RIT2: variants seen among roughly 807,000 people sequenced by gnomAD.
RIT2 encodes Ras like without CAAX 2.
Under a neutral mutation model 23.7 loss-of-function variants are expected in RIT2, and 24 were observed. That is an observed-to-expected ratio of 1.01 (90% CI 0.73 to 1.43). The LOEUF (loss-of-function observed/expected upper bound fraction) is 1.43, where lower values mean the gene tolerates loss of function less well. Among genes scored for constraint, RIT2 ranks in the 40% most tolerant of loss-of-function variants. The probability of loss-of-function intolerance (pLI) is 0.00; values close to 1 mark genes in which losing one functional copy is unlikely to be tolerated. For missense variants in RIT2, 236 were observed against 266.9 expected (o/e 0.88, Z 0.81); for synonymous variants, 107 against 91.1 (o/e 1.17, Z -0.99).
chr18:43,093,796 C>T (rs918397851), intron 1 of RIT2, among the ~76,000 whole-genome samples: 1 of 152,012 alleles, frequency 6.6e-6, no homozygotes, highest in Non-Finnish European at 1.5e-5. Flanking sequence ...CCTCTCCGGT[C>T]AGTACTGACA....
intron 4 of RIT2, among the ~76,000 whole-genome samples, chr18:42,855,465 A>C (rs1042032674): frequency 1.3e-5 from 2 of 152,206 alleles, no homozygotes; most frequent in Non-Finnish European, 2.9e-5. Flanking sequence ...TCACACAATA[A>C]AATTCTGTGA....
chr18:42,844,750 G>A (rs1200401465), intron 4 of RIT2, among the ~76,000 whole-genome samples: 1 of 152,062 alleles, frequency 6.6e-6, no homozygotes, highest in Non-Finnish European at 1.5e-5. Context: ...TCAGGAGAGG[G>A]TGGGCAAACA....
intron 3 of RIT2, among the ~76,000 whole-genome samples, chr18:42,931,497 C>T (rs1421960066): frequency 6.6e-6 from 1 of 152,148 alleles, no homozygotes; most frequent in Non-Finnish European, 1.5e-5. Context: ...AAAGAGGAAT[C>T]TTACTGTATT....
chr18:42,835,329 C>A (rs1038749168), intron 4 of RIT2, among the ~76,000 whole-genome samples: 1 of 152,108 alleles, frequency 6.6e-6, no homozygotes, highest in South Asian at 2.1e-4. Flanking sequence ...CACTCACACA[C>A]ACACACAACT....
In RIT2 at chr18:42,868,020, G is replaced by C. The variant is rs556491253; in HGVS notation, c.426+55552C>G. 2.6e-5 allele frequency among the ~76,000 whole-genome samples: 4 copies of C among 152,240 alleles called. No homozygotes were observed. The South Asian group carries it at 8.3e-4, about 32-fold the overall frequency. ...TTACTTCAAGGAGTATTTTCCACAG[G>C]TAAGTCAAATCAGTAAGTTTGGAAG... On this transcript the variant is annotated intron_variant, in intron 4 of 4. Coordinates refer to ENST00000326695, the MANE Select transcript of RIT2 (RefSeq NM_002930.4).
At chr18:43,036,397 G>C (rs923235531) in intron 1 of RIT2, among the ~76,000 whole-genome samples, 4 of 151,998 alleles carry the variant, frequency 2.6e-5, no homozygotes, top group African/African-American at 9.7e-5. Context: ...GAAATCAGCC[G>C]GGCGTGGTGG....
At chr18:42,780,047 GT>G (rs71175923) in intron 4 of RIT2, among the ~76,000 whole-genome samples, 94 of 59,572 alleles carry the variant, frequency 1.6e-3, no homozygotes, top group African/African-American at 4.5e-3. Flanking sequence ...CAATTTAGAG[GT>G]TTTTTTTTTT....
intron 4 of RIT2, among the ~76,000 whole-genome samples, chr18:42,854,172 A>G (rs1907124315): frequency 6.6e-6 from 1 of 152,208 alleles, no homozygotes. Flanking sequence ...CCCACATTCT[A>G]TAACTAAGAT....
At chr18:42,963,628 C>T (rs1410401065) in intron 3 of RIT2, among the ~76,000 whole-genome samples, 2 of 152,118 alleles carry the variant, frequency 1.3e-5, no homozygotes, top group African/African-American at 4.8e-5. Context: ...CTTGGTGGCT[C>T]ATATCTGTAA....
chr18:43,059,056 G>T (rs1912578415), intron 1 of RIT2, among the ~76,000 whole-genome samples: 1 of 151,934 alleles, frequency 6.6e-6, no homozygotes, highest in Non-Finnish European at 1.5e-5. Flanking sequence ...GGGGCTGTCG[G>T]CTTGAAGAAT....
chr18:42,809,900 A>G (rs1208876745), intron 4 of RIT2, among the ~76,000 whole-genome samples: 1 of 135,650 alleles, frequency 7.4e-6, no homozygotes, highest in Non-Finnish European at 1.6e-5. Flanking sequence ...TATATATATT[A>G]TATATAATAT....
chr18:42,767,905 T>G (rs1913462869), intron 4 of RIT2, among the ~76,000 whole-genome samples: 1 of 152,122 alleles, frequency 6.6e-6, no homozygotes, highest in South Asian at 2.1e-4. Context: ...AAGAAGTGCC[T>G]TTCGCCTCCC....
intron 4 of RIT2, among the ~76,000 whole-genome samples, chr18:42,823,706 C>T (rs1357244464): frequency 6.6e-6 from 1 of 152,014 alleles, no homozygotes; most frequent in African/African-American, 2.4e-5. Context: ...GTCTATTATG[C>T]ACCAGTACTA....
intron 1 of RIT2, among the ~76,000 whole-genome samples, chr18:43,108,293 T>C (rs1913876276): frequency 6.6e-6 from 1 of 152,096 alleles, no homozygotes; most frequent in South Asian, 2.1e-4. Flanking sequence ...TAGACATCCA[T>C]ATGTAGGCAC....
At chr18:43,104,363 G>A (rs1340194876) in intron 1 of RIT2, among the ~76,000 whole-genome samples, 6 of 152,058 alleles carry the variant, frequency 3.9e-5, no homozygotes, top group African/African-American at 1.4e-4. Context: ...GTTCCACAGC[G>A]CTATATAATG....
At chr18:43,070,522 CAAAG>C (rs1912874112) in intron 1 of RIT2, among the ~76,000 whole-genome samples, 1 of 152,152 alleles carries the variant, frequency 6.6e-6, no homozygotes, top group Non-Finnish European at 1.5e-5. Flanking sequence ...AGTGCCATTT[CAAAG>C]AAAGAAACAT....
chr18:42,814,055 G>A (rs1905924721), intron 4 of RIT2, among the ~76,000 whole-genome samples: 1 of 152,204 alleles, frequency 6.6e-6, no homozygotes, highest in Non-Finnish European at 1.5e-5. Context: ...GGAAGCAGTG[G>A]GGTAAGGCCT....
intron 3 of RIT2, among the ~76,000 whole-genome samples, chr18:42,960,660 C>A (rs1303752760): frequency 6.6e-6 from 1 of 152,082 alleles, no homozygotes; most frequent in Admixed American, 6.6e-5. Flanking sequence ...TGAGTCCAAG[C>A]TGAAGGTTGA....
intron 1 of RIT2, among the ~76,000 whole-genome samples, chr18:43,111,610 TA>T (rs1368304405): frequency 1.3e-5 from 2 of 152,076 alleles, no homozygotes; most frequent in African/African-American, 2.4e-5. Context: ...CAAATAAACA[TA>T]AAAAAATCTA....
Sources: gnomAD v4.1 joint callset for allele counts (sites outside exome capture counted in the v4.1 genomes callset) on GRCh38, gnomAD v4.1.1 for gene constraint, MANE v1.5 for transcripts, NCBI Gene and HGNC (gene_info 2026-07-23, HGNC 2026-07-21) for gene names.